The following FHIT variants were observed in gnomAD, a reference collection of about 807,000 sequenced individuals.
FHIT encodes bis(5'-adenosyl)-triphosphatase.
In FHIT, 19 loss-of-function variants were observed where a neutral mutation model predicts 17.9. The ratio of observed to expected loss-of-function variants is 1.06; its 90% CI spans 0.74 to 1.56. FHIT has a LOEUF of 1.56. Among genes scored for constraint, FHIT ranks in the 40% most tolerant of loss-of-function variants. FHIT has a pLI of 0.00. For synonymous variants in FHIT, 81 were observed against 69.7 expected (o/e 1.16, Z -0.81); for missense variants, 248 against 189.2 (o/e 1.31, Z -1.82).
intron 5 of FHIT, among the ~76,000 whole-genome samples, chr3:60,319,737 C>A (rs960699951): frequency 6.6e-6 from 1 of 152,154 alleles, no homozygotes; most frequent in Non-Finnish European, 1.5e-5. Context: ...TCCAGAGACA[C>A]TGAGGGGGGC....
intron 2 of FHIT, among the ~76,000 whole-genome samples, chr3:61,115,745 T>A (rs2036282561): frequency 6.6e-6 from 1 of 152,098 alleles, no homozygotes; most frequent in Non-Finnish European, 1.5e-5. Flanking sequence ...CAGTTGTGCA[T>A]AAGGTTCAGA....
At chr3:60,576,310 T>C (rs1353999090) in intron 4 of FHIT, among the ~76,000 whole-genome samples, 1 of 151,988 alleles carries the variant, frequency 6.6e-6, no homozygotes, top group East Asian at 1.9e-4. Flanking sequence ...GTGGAAAATA[T>C]GAGAGAAACG....
At chr3:60,048,143 C>G (rs1429303747) in intron 5 of FHIT, among the ~76,000 whole-genome samples, 1 of 152,030 alleles carries the variant, frequency 6.6e-6, no homozygotes, top group Non-Finnish European at 1.5e-5. Flanking sequence ...CAGATTGGGA[C>G]CCACCGTAAT....
intron 5 of FHIT, among the ~76,000 whole-genome samples, chr3:60,330,426 C>A (rs573999125): frequency 6.6e-6 from 1 of 152,178 alleles, no homozygotes; most frequent in African/African-American, 2.4e-5. Flanking sequence ...CCGGTGGAGA[C>A]AACCACCGGT....
chr3:60,032,072 G>C (rs1339706367), intron 5 of FHIT, among the ~76,000 whole-genome samples: 1 of 152,092 alleles, frequency 6.6e-6, no homozygotes, highest in Non-Finnish European at 1.5e-5. Flanking sequence ...GGTCATTATA[G>C]CTGCTACCAC....
chr3:59,854,573 C>T (rs1702075383), intron 8 of FHIT, among the ~76,000 whole-genome samples: 1 of 152,164 alleles, frequency 6.6e-6, no homozygotes, highest in African/African-American at 2.4e-5. Context: ...AGAGCACTCT[C>T]TAGTCCAAGC....
intron 5 of FHIT, among the ~76,000 whole-genome samples, chr3:60,260,352 TA>T (rs761494437): frequency 0.09 from 12,452 of 137,986 alleles, 644 homozygotes; most frequent in Middle Eastern, 0.17. Flanking sequence ...TGACTAAATT[TA>T]AAAAAAAAAA....
chr3:60,541,567 G>A (rs372290901), intron 4 of FHIT, among the ~76,000 whole-genome samples: 97 of 152,284 alleles, frequency 6.4e-4, no homozygotes, highest in African/African-American at 2.1e-3. Flanking sequence ...TGATTGGTTC[G>A]GGAGTGGACA....
At chr3:60,488,843 T>C (rs1355326754) in intron 5 of FHIT, among the ~76,000 whole-genome samples, 1 of 152,180 alleles carries the variant, frequency 6.6e-6, no homozygotes, top group African/African-American at 2.4e-5. Context: ...AAAATCAAGA[T>C]AAAAACTTGG....
intron 2 of FHIT, chr3:61,165,612 A>T (rs1326975808): frequency 6.6e-6 from 1 of 152,350 alleles, no homozygotes; most frequent in Non-Finnish European, 1.5e-5. Context: ...AGGTGGACAG[A>T]TCACCCAAGG....
chr3:60,410,120 G>C (rs969784087), intron 5 of FHIT, among the ~76,000 whole-genome samples: 22 of 152,308 alleles, frequency 1.4e-4, no homozygotes, highest in African/African-American at 5.1e-4. Context: ...ATAGGTAAAA[G>C]TTACAAAAAG....
chr3:60,497,387 T>C (rs1325995639), intron 5 of FHIT, among the ~76,000 whole-genome samples: 1 of 152,202 alleles, frequency 6.6e-6, no homozygotes, highest in African/African-American at 2.4e-5. Context: ...CATTATTCTT[T>C]GTACATTCTT....
chr3:59,947,638 C>T lies in FHIT; in HGVS notation c.280-25224G>A, dbSNP rs547194627. 2.6e-5 allele frequency among the ~76,000 whole-genome samples: 4 copies of T among 152,232 alleles called. No homozygotes were observed. The South Asian group carries it at 8.3e-4, about 32-fold the overall frequency. ...AGCTCAGCACTCCTGGGGGAGTATG[C>T]TGCAACCCTGGGGGGGCTGGTACCA... On this transcript the variant is annotated intron_variant, in intron 7 of 9. Coordinates refer to ENST00000492590, the MANE Select transcript of FHIT (RefSeq NM_002012.4).
intron 5 of FHIT, among the ~76,000 whole-genome samples, chr3:60,068,624 C>T (rs1366733305): frequency 1.3e-5 from 2 of 152,152 alleles, no homozygotes; most frequent in Non-Finnish European, 2.9e-5. Context: ...TACTAAATGT[C>T]CAAAATCACA....
intron 3 of FHIT, among the ~76,000 whole-genome samples, chr3:60,873,681 G>C (rs1704518627): frequency 6.6e-6 from 1 of 152,176 alleles, no homozygotes; most frequent in Non-Finnish European, 1.5e-5. Context: ...GACTGAGAAA[G>C]CTTAACTGGC....
At chr3:60,905,229 A>G (rs1053396829) in intron 3 of FHIT, among the ~76,000 whole-genome samples, 8 of 152,274 alleles carry the variant, frequency 5.3e-5, no homozygotes, top group African/African-American at 1.7e-4. Flanking sequence ...GTTGATCCAA[A>G]AAAAGTACAT....
intron 5 of FHIT, among the ~76,000 whole-genome samples, chr3:60,315,658 C>T (rs185841488): frequency 6.6e-6 from 1 of 152,308 alleles, no homozygotes; most frequent in Admixed American, 6.5e-5. Flanking sequence ...TGAAGTGTTG[C>T]ATTTTGTAAG....
chr3:61,111,123 T>C (rs2036146542), intron 2 of FHIT, among the ~76,000 whole-genome samples: 1 of 152,196 alleles, frequency 6.6e-6, no homozygotes, highest in Admixed American at 6.5e-5. Context: ...GTCAAAAGGT[T>C]TCCTCATTGG....
chr3:60,696,840 C>T (rs569240348), intron 4 of FHIT, among the ~76,000 whole-genome samples: 1 of 152,280 alleles, frequency 6.6e-6, no homozygotes, highest in Non-Finnish European at 1.5e-5. Context: ...GATATCAACA[C>T]AACAGAAATC....
Sources: allele counts gnomAD v4.1 joint callset (sites outside exome capture counted in the v4.1 genomes callset), GRCh38; gene constraint gnomAD v4.1.1; transcripts MANE v1.5; gene names NCBI Gene and HGNC (gene_info 2026-07-23, HGNC 2026-07-21).